The following SPATA6 variants were observed in gnomAD, a reference collection of about 807,000 sequenced individuals.
SPATA6 encodes spermatogenesis associated 6.
Under a neutral mutation model 65.3 loss-of-function variants are expected in SPATA6, and 56 were observed. The observed-to-expected ratio is 0.86, with a 90% CI of 0.69 to 1.07. The LOEUF (loss-of-function observed/expected upper bound fraction) is 1.07, where lower values mean the gene tolerates loss of function less well. Among genes scored for constraint, SPATA6 ranks in the 50% least tolerant of loss-of-function variants. The probability of loss-of-function intolerance (pLI) is 0.00; values close to 1 mark genes in which losing one functional copy is unlikely to be tolerated. For synonymous variants in SPATA6, 199 were observed against 213.2 expected (o/e 0.93, Z 0.58); for missense variants, 590 against 594.8 (o/e 0.99, Z 0.08).
intron 3 of SPATA6, among the ~76,000 whole-genome samples, chr1:48,439,378 T>C (rs1470973852): frequency 6.6e-6 from 1 of 152,172 alleles, no homozygotes; most frequent in Non-Finnish European, 1.5e-5. Flanking sequence ...CCAGGGACCA[T>C]TGCGGGTTCT....
intron 9 of SPATA6, among the ~76,000 whole-genome samples, chr1:48,371,025 G>A (rs949206273): frequency 6.6e-6 from 1 of 152,142 alleles, no homozygotes; most frequent in African/African-American, 2.4e-5. Flanking sequence ...TACAAGAAAG[G>A]ATAATTATAG....
At chr1:48,353,985 C>A (rs1484203544) in intron 11 of SPATA6, among the ~76,000 whole-genome samples, 1 of 151,782 alleles carries the variant, frequency 6.6e-6, no homozygotes, top group East Asian at 1.9e-4. Flanking sequence ...AAACATATAT[C>A]TAAGGACTCA....
At chr1:48,318,120 T>C (rs1645493338) in intron 11 of SPATA6, among the ~76,000 whole-genome samples, 1 of 151,946 alleles carries the variant, frequency 6.6e-6, no homozygotes, top group African/African-American at 2.4e-5. Context: ...AAACTAGGAG[T>C]AGAAGGAAAT....
At chr1:48,326,521 C>CAA (rs1330859768) in intron 11 of SPATA6, among the ~76,000 whole-genome samples, 182 of 80,120 alleles carry the variant, frequency 2.3e-3, no homozygotes, top group Non-Finnish European at 2.7e-3. Flanking sequence ...TCATATGAAA[C>CAA]AAAAAAAAAA....
intron 3 of SPATA6, among the ~76,000 whole-genome samples, chr1:48,437,945 T>A (rs142037176): frequency 0.017 from 2,479 of 149,990 alleles, 81 homozygotes; most frequent in African/African-American, 0.057. Context: ...AGCTAAAGGT[T>A]TGTAAACACA....
At chr1:48,325,878 TCTC>T (rs1489043613) in intron 11 of SPATA6, 1 of 346,134 alleles carries the variant, frequency 2.9e-6, no homozygotes, top group Non-Finnish European at 5.9e-6. Flanking sequence ...TCAGGAAAAC[TCTC>T]CTCAGATGCT....
At chr1:48,333,816 G>A (rs1403792181) in intron 11 of SPATA6, among the ~76,000 whole-genome samples, 1 of 151,886 alleles carries the variant, frequency 6.6e-6, no homozygotes, top group Non-Finnish European at 1.5e-5. Context: ...TGGAAACAGA[G>A]ACATAAAAAA....
intron 9 of SPATA6, among the ~76,000 whole-genome samples, chr1:48,380,216 A>G (rs1173366435): frequency 6.6e-6 from 1 of 152,242 alleles, no homozygotes; most frequent in African/African-American, 2.4e-5. Flanking sequence ...TTCCATATAG[A>G]AGTCCTAAAG....
chr1:48,410,597 G>A (rs1163644751), intron 5 of SPATA6, among the ~76,000 whole-genome samples: 1 of 152,192 alleles, frequency 6.6e-6, no homozygotes, highest in African/African-American at 2.4e-5. Flanking sequence ...CAGGAAAGAG[G>A]TTTAACTGAC....
At chr1:48,279,747 T>C in the SPATA6 span, among the ~76,000 whole-genome samples, 18 of 151,728 alleles carry the variant, frequency 1.2e-4, no homozygotes, top group South Asian at 2.1e-4. Context: ...ACTTTAACAC[T>C]CCCCTGTCAA....
chr1:48,330,142 C>T (rs1416108371), intron 11 of SPATA6, among the ~76,000 whole-genome samples: 1 of 152,232 alleles, frequency 6.6e-6, no homozygotes, highest in African/African-American at 2.4e-5. Context: ...TTGGTTCAAA[C>T]TTGGTCAGCC....
chr1:48,432,046 G>T (rs1229099146), intron 3 of SPATA6, among the ~76,000 whole-genome samples: 1 of 152,146 alleles, frequency 6.6e-6, no homozygotes, highest in Admixed American at 6.5e-5. Context: ...GGAGGCAGAG[G>T]CTGCAGTGAG....
the SPATA6 span, among the ~76,000 whole-genome samples, chr1:48,281,507 T>A: frequency 6.6e-6 from 1 of 152,218 alleles, no homozygotes; most frequent in African/African-American, 2.4e-5. Flanking sequence ...AAAATCAATG[T>A]ACAAGAATCA....
At chr1:48,313,025 C>T (rs1031586291) in intron 11 of SPATA6, among the ~76,000 whole-genome samples, 2 of 152,040 alleles carry the variant, frequency 1.3e-5, no homozygotes, top group Non-Finnish European at 2.9e-5. Flanking sequence ...ACAAAGCCTC[C>T]AAGAAATATG....
At chr1:48,277,645 G>A in the SPATA6 span, among the ~76,000 whole-genome samples, 8 of 152,118 alleles carry the variant, frequency 5.3e-5, no homozygotes, top group African/African-American at 1.7e-4. Flanking sequence ...CCGCCATTGC[G>A]CAGGCTTGCT....
At chr1:48,324,954 G>T in intron 11 of SPATA6, 1 of 172,182 alleles carries the variant, frequency 5.8e-6, no homozygotes. Context: ...AAAACCTAAA[G>T]ACCCCACCAA....
At chr1:48,381,785 A>G (rs1648651146) in intron 9 of SPATA6, among the ~76,000 whole-genome samples, 1 of 146,372 alleles carries the variant, frequency 6.8e-6, no homozygotes, top group Non-Finnish European at 1.5e-5. Flanking sequence ...TAGTGGAGGG[A>G]AGGTCAGCAG....
intron 9 of SPATA6, among the ~76,000 whole-genome samples, chr1:48,367,689 T>C (rs1647071422): frequency 6.6e-6 from 1 of 152,202 alleles, no homozygotes; most frequent in Non-Finnish European, 1.5e-5. Flanking sequence ...CCTATGTGTG[T>C]CTCTGCACAT....
At chr1:48,421,673 C>G (rs1026618469) in intron 3 of SPATA6, among the ~76,000 whole-genome samples, 1 of 151,806 alleles carries the variant, frequency 6.6e-6, no homozygotes, top group Non-Finnish European at 1.5e-5. Context: ...CCCTTAAAAA[C>G]AGAAAAGAGA....
Sources: gnomAD v4.1 joint callset for allele counts (sites outside exome capture counted in the v4.1 genomes callset) on GRCh38, gnomAD v4.1.1 for gene constraint, MANE v1.5 for transcripts, NCBI Gene and HGNC (gene_info 2026-07-23, HGNC 2026-07-21) for gene names.